ULK4: variants seen among roughly 807,000 people sequenced by gnomAD.
ULK4 encodes unc-51 like kinase 4.
A neutral mutation model predicts 160.6 loss-of-function variants in ULK4; 133 were observed. The observed-to-expected ratio is 0.83, with a 90% CI of 0.72 to 0.96. ULK4 has a LOEUF of 0.96. Among genes scored for constraint, ULK4 ranks in the 40% least tolerant of loss-of-function variants. ULK4 has a pLI of 0.00. For synonymous variants in ULK4, 534 were observed against 539.8 expected (o/e 0.99, Z 0.15); for missense variants, 1,580 against 1,499.5 (o/e 1.05, Z -0.89).
intron 17 of ULK4, among the ~76,000 whole-genome samples, chr3:41,839,242 A>T (rs2041843208): frequency 6.6e-6 from 1 of 152,002 alleles, no homozygotes; most frequent in South Asian, 2.1e-4. Flanking sequence ...CAGGAGGCCA[A>T]GGCAGGAGAA....
chr3:41,552,238 A>T (rs145114711), intron 32 of ULK4, among the ~76,000 whole-genome samples: 177 of 152,206 alleles, frequency 1.2e-3, no homozygotes, highest in Non-Finnish European at 2.1e-3. Flanking sequence ...CCTATACAAC[A>T]TAAAATTGGA....
intron 32 of ULK4, among the ~76,000 whole-genome samples, chr3:41,545,665 T>C (rs896324038): frequency 3.9e-5 from 6 of 152,306 alleles, no homozygotes; most frequent in Admixed American, 2.0e-4. Context: ...TAGATAAATA[T>C]GCTTTACCAA....
intron 30 of ULK4, among the ~76,000 whole-genome samples, chr3:41,643,347 C>A (rs982759457): frequency 6.6e-6 from 1 of 152,098 alleles, no homozygotes; most frequent in Non-Finnish European, 1.5e-5. Context: ...AGTCTTTAAT[C>A]CATCTTGAAT....
intron 32 of ULK4, among the ~76,000 whole-genome samples, chr3:41,465,519 A>T (rs1009352124): frequency 5.3e-5 from 8 of 152,216 alleles, no homozygotes; most frequent in Non-Finnish European, 8.8e-5. Flanking sequence ...AAGCAGCTCC[A>T]TAAATTCCAT....
intron 35 of ULK4, among the ~76,000 whole-genome samples, chr3:41,370,531 T>C (rs146940004): frequency 0.013 from 2,041 of 152,180 alleles, 30 homozygotes; most frequent in African/African-American, 0.046. Flanking sequence ...GGGTGGGGCA[T>C]TGCCTCACCC....
chr3:41,899,740 G>C (rs771539988), intron 13 of ULK4, among the ~76,000 whole-genome samples: 1 of 152,142 alleles, frequency 6.6e-6, no homozygotes, highest in Non-Finnish European at 1.5e-5. Flanking sequence ...AACACAAATT[G>C]TTCTAGAAAG....
At chr3:41,655,271 G>GC (rs1263308520) in intron 30 of ULK4, among the ~76,000 whole-genome samples, 2 of 148,340 alleles carry the variant, frequency 1.3e-5, no homozygotes, top group Non-Finnish European at 1.5e-5. Context: ...GCAAACTATC[G>GC]CAAGGACAAA....
At chr3:41,439,633 TTCATAGTAAG>T (rs1373895081) in intron 34 of ULK4, among the ~76,000 whole-genome samples, 2 of 152,212 alleles carry the variant, frequency 1.3e-5, no homozygotes, top group Non-Finnish European at 2.9e-5. Flanking sequence ...TTACAGTAGC[TTCATAGTAAG>T]TCTTGAAATC....
chr3:41,337,812 T>C (rs554110537), intron 35 of ULK4, among the ~76,000 whole-genome samples: 1 of 152,256 alleles, frequency 6.6e-6, no homozygotes, highest in African/African-American at 2.4e-5. Context: ...GCCCTCTGGG[T>C]TTCCTATCCT....
intron 19 of ULK4, among the ~76,000 whole-genome samples, chr3:41,811,062 T>A: frequency 6.6e-6 from 1 of 152,052 alleles, no homozygotes; most frequent in Non-Finnish European, 1.5e-5. Flanking sequence ...TTTAAATTTT[T>A]TTTTTGTAGT....
At chr3:41,764,990 C>A (rs147010862) in intron 21 of ULK4, among the ~76,000 whole-genome samples, 4 of 152,214 alleles carry the variant, frequency 2.6e-5, no homozygotes, top group Non-Finnish European at 5.9e-5. Context: ...ATTGTGGAAG[C>A]CAGTGTGGCG....
At chr3:41,622,827 C>T (rs536754790) in intron 30 of ULK4, among the ~76,000 whole-genome samples, 371 of 152,224 alleles carry the variant, frequency 2.4e-3, no homozygotes, top group African/African-American at 8.4e-3. Flanking sequence ...AAGATTTTTT[C>T]CGTAACAGTC....
At chr3:41,842,200 G>A (rs60248638) in intron 17 of ULK4, among the ~76,000 whole-genome samples, 13,458 of 97,350 alleles carry the variant, frequency 0.14, 1,936 homozygotes, top group African/African-American at 0.47. Flanking sequence ...TAAAAAAAAA[G>A]AAGACTAAGG....
At chr3:41,367,381 G>C (rs1330049258) in intron 35 of ULK4, among the ~76,000 whole-genome samples, 1 of 152,218 alleles carries the variant, frequency 6.6e-6, no homozygotes, top group Non-Finnish European at 1.5e-5. Flanking sequence ...AGGAGGAACA[G>C]GGACGGAAGG....
chr3:41,463,057 G>A (rs1397035815), intron 33 of ULK4, 30 bp downstream of exon 33: 5 of 1,607,812 alleles, frequency 3.1e-6, no homozygotes, highest in East Asian at 2.2e-5. Context: ...GAGTAGGGCT[G>A]CTCAAGACAC....
chr3:41,750,207 G>T (rs2038569405), intron 22 of ULK4, among the ~76,000 whole-genome samples: 1 of 152,186 alleles, frequency 6.6e-6, no homozygotes, highest in Non-Finnish European at 1.5e-5. Context: ...TTTAATGATG[G>T]AGTCTGGTAA....
intron 20 of ULK4, among the ~76,000 whole-genome samples, chr3:41,790,693 T>C (rs1452925697): frequency 1.3e-5 from 2 of 152,176 alleles, no homozygotes; most frequent in East Asian, 1.9e-4. Context: ...AGAACATTTA[T>C]CAGGTGTAGA....
At chr3:41,708,086 T>C (rs1038571531) in intron 25 of ULK4, among the ~76,000 whole-genome samples, 1 of 151,746 alleles carries the variant, frequency 6.6e-6, no homozygotes, top group African/African-American at 2.4e-5. Flanking sequence ...AGTACAGCCA[T>C]TATGAAAAAT....
intron 30 of ULK4, among the ~76,000 whole-genome samples, chr3:41,661,667 G>T (rs1416821134): frequency 1.3e-5 from 2 of 152,146 alleles, no homozygotes; most frequent in East Asian, 1.9e-4. Flanking sequence ...GGGTGTGGGG[G>T]ATGGAGAAGC....
Sources: allele counts gnomAD v4.1 joint callset (sites outside exome capture counted in the v4.1 genomes callset), GRCh38; gene constraint gnomAD v4.1.1; transcripts MANE v1.5; gene names NCBI Gene and HGNC (gene_info 2026-07-23, HGNC 2026-07-21).